Variants in BNC2 observed in about 807,000 individuals in gnomAD.
The protein encoded by BNC2 is zinc finger protein basonuclin-2.
A neutral mutation model predicts 76.3 loss-of-function variants in BNC2; 20 were observed. That is an observed-to-expected ratio of 0.26 (90% CI 0.18 to 0.38). BNC2 has a LOEUF of 0.38. Among genes scored for constraint, BNC2 ranks in the 10% least tolerant of loss-of-function variants. BNC2 has a pLI of 1.00. For missense variants in BNC2, 1,382 were observed against 1,399.8 expected, an observed-to-expected ratio of 0.99 and a Z score of 0.20; for synonymous variants, 582 against 514.8, an observed-to-expected ratio of 1.13 and a Z score of -1.77.
chr9:16,476,568 T>TTA (rs1491264560), intron 5 of BNC2, among the ~76,000 whole-genome samples: 1 of 137,970 alleles, frequency 7.2e-6, no homozygotes, highest in Non-Finnish European at 1.6e-5. Context: ...TTGTTTTTTT[T>TTA]AAAAAAAAAA....
intron 1 of BNC2, among the ~76,000 whole-genome samples, chr9:16,848,947 T>A (rs1034166534): frequency 1.3e-5 from 2 of 152,080 alleles, no homozygotes; most frequent in African/African-American, 4.8e-5. Context: ...ATAAGAAAAA[T>A]TAATGAATTT....
At chr9:16,608,517 G>T (rs4466493) in intron 3 of BNC2, among the ~76,000 whole-genome samples, 24,034 of 151,888 alleles carry the variant, frequency 0.16, 3,796 homozygotes, top group African/African-American at 0.41. Context: ...TTTAAATTTT[G>T]TTTTAAAGAG....
chr9:16,861,858 G>T (rs541631243), intron 1 of BNC2, among the ~76,000 whole-genome samples: 2 of 152,142 alleles, frequency 1.3e-5, no homozygotes, highest in South Asian at 4.1e-4. Context: ...TCATGGTGGC[G>T]GGCGCCTGTA....
intron 4 of BNC2, among the ~76,000 whole-genome samples, chr9:16,561,592 T>A (rs984683695): frequency 2.0e-5 from 3 of 152,210 alleles, no homozygotes; most frequent in Admixed American, 6.5e-5. Context: ...TTCTGAAAAT[T>A]GTACCCTTCC....
chr9:16,553,720 C>T (rs1418445620), intron 4 of BNC2, among the ~76,000 whole-genome samples: 10 of 152,166 alleles, frequency 6.6e-5, no homozygotes, highest in Admixed American at 6.5e-4. Context: ...AACGCCATCT[C>T]TTCTCTAGAA....
At chr9:16,429,964 A>G (rs1462562462) in intron 6 of BNC2, 1 of 516,088 alleles carries the variant, frequency 1.9e-6, no homozygotes, top group Non-Finnish European at 3.9e-6. Flanking sequence ...CCATGATACA[A>G]GGAGACCGTT....
Position 16,414,412 on chromosome 9 carries a change from T to C in BNC2, c.*4577A>G, listed in dbSNP as rs1237939539. The C allele has an allele frequency of 6.6e-6, 1 of 152,070 alleles. No individual in the cohort carries two copies. Among genetic ancestry groups the C allele is most frequent in the Non-Finnish European group, 1.5e-5 (1 of 68,026 alleles). 9.4% of individuals were successfully genotyped at this position (152,070 alleles called of 1,614,324 possible). The stretch of plus-strand genomic sequence containing the variant: ...TGCTCATCTTACTCATTTAGATCCA[T>C]CCCCAAAAAATAAACAATGAGAGGG... On this transcript the variant is annotated 3_prime_UTR_variant, in exon 7 of 7. Transcript: ENST00000380672.
At chr9:16,857,630 T>G (rs1819295072) in intron 1 of BNC2, among the ~76,000 whole-genome samples, 1 of 152,102 alleles carries the variant, frequency 6.6e-6, no homozygotes, top group Non-Finnish European at 1.5e-5. Flanking sequence ...ACGTAAACAC[T>G]TATGATGAAA....
chr9:16,460,950 A>C (rs1024436865), intron 5 of BNC2, among the ~76,000 whole-genome samples: 1 of 151,966 alleles, frequency 6.6e-6, no homozygotes, highest in Admixed American at 6.6e-5. Context: ...TTGATCCTAC[A>C]TCTAGAAATA....
At chr9:16,457,285 T>C (rs902613075) in intron 5 of BNC2, among the ~76,000 whole-genome samples, 6 of 152,158 alleles carry the variant, frequency 3.9e-5, no homozygotes, top group African/African-American at 1.4e-4. Context: ...TCATATGGAA[T>C]CTTATGTAAG....
intron 3 of BNC2, among the ~76,000 whole-genome samples, chr9:16,593,567 T>C (rs1420860935): frequency 2.0e-5 from 3 of 152,042 alleles, no homozygotes; most frequent in East Asian, 1.9e-4. Flanking sequence ...ATTAGGCCTA[T>C]GATAATACAT....
chr9:16,792,803 GAAAGTT>G (rs1236631352), intron 1 of BNC2, among the ~76,000 whole-genome samples: 1 of 152,220 alleles, frequency 6.6e-6, no homozygotes, highest in African/African-American at 2.4e-5. Flanking sequence ...CACTGACCCT[GAAAGTT>G]AATAACATTG....
chr9:16,674,856 T>C (rs969893371), intron 3 of BNC2, among the ~76,000 whole-genome samples: 6 of 152,212 alleles, frequency 3.9e-5, no homozygotes, highest in African/African-American at 1.4e-4. Flanking sequence ...TTTACACTTT[T>C]ATGTTCTTGG....
chr9:16,559,176 G>C (rs1171144349), intron 4 of BNC2, among the ~76,000 whole-genome samples: 2 of 152,278 alleles, frequency 1.3e-5, no homozygotes, highest in African/African-American at 4.8e-5. Flanking sequence ...CTATATATCA[G>C]GCATCATTCT....
intron 1 of BNC2, among the ~76,000 whole-genome samples, chr9:16,805,900 T>C (rs1424958676): frequency 6.6e-6 from 1 of 152,182 alleles, no homozygotes; most frequent in Non-Finnish European, 1.5e-5. Context: ...TTACCTATAT[T>C]GGTAACTGAT....
At chr9:16,689,360 C>T (rs779207601) in intron 3 of BNC2, among the ~76,000 whole-genome samples, 1 of 152,016 alleles carries the variant, frequency 6.6e-6, no homozygotes, top group Non-Finnish European at 1.5e-5. Flanking sequence ...AGTCATGTTA[C>T]GATGAAAAGG....
intron 3 of BNC2, among the ~76,000 whole-genome samples, chr9:16,593,458 C>T (rs953403185): frequency 1.3e-5 from 2 of 151,942 alleles, no homozygotes; most frequent in South Asian, 2.1e-4. Context: ...AAATCAACAG[C>T]GGGATATAGC....
rs1285756451 is a variant in BNC2, at chr9:16,868,213, T to C, written c.3+2433A>G. On this transcript the variant is annotated intron_variant, in intron 1 of 6. Coordinates refer to ENST00000380672, the MANE Select transcript of BNC2 (RefSeq NM_017637.6). The stretch of plus-strand genomic sequence containing the variant: ...TCAAATGACACTCCTGGAATGCAAA[T>C]TGGCATTCTTGACTGCAGCAATTGC... 4 of 152,230 alleles carry C rather than the reference T, an allele frequency of 2.6e-5. No homozygotes were observed. The East Asian group carries it at 7.7e-4, about 29-fold the overall frequency. 9.4% of individuals were successfully genotyped at this position (152,230 alleles called of 1,614,324 possible).
At position 16,419,498 on chromosome 9, in the gene BNC2, C is replaced by T. The variant is rs780561477; in HGVS notation, c.2791G>A (p.Val931Ile). The change falls in exon 7 of 7, where the codon GTC (valine) becomes ATC (isoleucine). Residue 931 changes from valine to isoleucine, a missense_variant. By Grantham distance (29) the Val-to-Ile change is conservative. Transcript: ENST00000380672. ...GCGGGAGAGGAGGCGTCTTCCCTGA[C>T]ATCGAGCCCCATGGGGTGCTGGGCA... ...YGAQHPMGLD[V>I]REDASSPAGT... is the part of the protein sequence containing the mutation. The T allele has an allele frequency of 9.9e-6, 16 of 1,614,044 alleles. No homozygotes were observed. The highest frequency in any genetic ancestry group is 1.4e-5 in the Non-Finnish European group (16 of 1,180,044).
Sources: allele counts gnomAD v4.1 joint callset (sites outside exome capture counted in the v4.1 genomes callset), GRCh38; gene constraint gnomAD v4.1.1; transcripts MANE v1.5; gene names NCBI Gene and HGNC (gene_info 2026-07-23, HGNC 2026-07-21).